Variants in AMZ1 observed in about 807,000 individuals in gnomAD.
The protein encoded by AMZ1 is archaemetzincin-1.
In AMZ1, 39 loss-of-function variants were observed where a neutral mutation model predicts 29.9. The ratio of observed to expected loss-of-function variants is 1.30; its 90% CI spans 1.01 to 1.70. AMZ1 has a LOEUF of 1.70. Among genes scored for constraint, AMZ1 ranks in the 40% most tolerant of loss-of-function variants. The pLI is 0.00. For missense variants in AMZ1, 1,041 were observed against 680.6 expected, an observed-to-expected ratio of 1.53 and a Z score of -5.89; for synonymous variants, 458 against 304.0, an observed-to-expected ratio of 1.51 and a Z score of -5.27.
chr7:2,725,349 G>A (rs1038976608), intron 4 of AMZ1, among the ~76,000 whole-genome samples: 7 of 152,242 alleles, frequency 4.6e-5, no homozygotes, highest in Admixed American at 6.5e-5. Context: ...ACACAGCTGC[G>A]CGAGGGGAAG....
chr7:2,709,092 TTC>T lies in AMZ1; in HGVS notation c.620_621del (p.Phe207CysfsTer16). 1 of 1,596,724 alleles carries T rather than the reference TTC, an allele frequency of 6.3e-7. No homozygotes were observed. The highest frequency in any genetic ancestry group is 8.5e-7 in the Non-Finnish European group (1 of 1,171,372). On this transcript the variant is annotated frameshift_variant, in exon 5 of 7. Transcript: ENST00000683327. LOFTEE classifies it high-confidence loss of function. ...CTCTCCAGAAGTGGGCGTCTGCAGC[TTC>T]GCCCGGTTCTCAGGGGAATTCCCGA... ...LPGHEVGVCS[F>X]ARFSGEFPKS... is the part of the protein sequence containing the mutation.
At chr7:2,754,447 A>G (rs1791192623) in intron 4 of AMZ1, among the ~76,000 whole-genome samples, 1 of 152,012 alleles carries the variant, frequency 6.6e-6, no homozygotes, top group Admixed American at 6.5e-5. Context: ...TCATCCTCTT[A>G]CTAAGAGGAT....
intron 4 of AMZ1, among the ~76,000 whole-genome samples, chr7:2,750,485 T>C (rs1194527527): frequency 1.3e-5 from 2 of 152,244 alleles, no homozygotes; most frequent in Admixed American, 1.3e-4. Flanking sequence ...CTATATTGTT[T>C]TTCCCTTTAC....
upstream of AMZ1, among the ~76,000 whole-genome samples, chr7:2,684,796 C>T (rs1787007108): frequency 6.6e-6 from 1 of 151,912 alleles, no homozygotes. Context: ...GGGCCCTACT[C>T]ATCTGGGCTT....
At chr7:2,692,458 C>T (rs912848503) in intron 1 of AMZ1, among the ~76,000 whole-genome samples, 2 of 152,172 alleles carry the variant, frequency 1.3e-5, no homozygotes, top group Non-Finnish European at 2.9e-5. Context: ...AGGAGAATCG[C>T]TTTAACCCGG....
At chr7:2,760,518 G>A (rs1194111446), upstream of AMZ1, 1 of 152,370 alleles carries the variant, frequency 6.6e-6, no homozygotes, top group African/African-American at 2.4e-5. Context: ...CTTCTGGGCA[G>A]AGCCTATTCT....
At chr7:2,751,382 C>T (rs1449084401) in intron 4 of AMZ1, among the ~76,000 whole-genome samples, 13 of 145,054 alleles carry the variant, frequency 9.0e-5, no homozygotes, top group Non-Finnish European at 1.5e-4. Context: ...CAGAGCAAGA[C>T]CGTTTCAAAG....
intron 5 of AMZ1, 59 bp downstream of exon 5, chr7:2,709,303 G>A (rs567444118): frequency 4.9e-6 from 7 of 1,438,660 alleles, no homozygotes; most frequent in African/African-American, 4.3e-5. Flanking sequence ...TGAGCCCTTG[G>A]TGCCTCGGTC....
In AMZ1 at chr7:2,713,328, G is replaced by C. The variant is rs1398043682; in HGVS notation, c.*450G>C. On this transcript the variant is annotated 3_prime_UTR_variant, in exon 7 of 7. Transcript: ENST00000683327. ...CCTGAGTCCCAGCCAGCCGCTCCCA[G>C]GGGCCTGCACACATGGAGAGGCCTC... 1 of 153,248 alleles carries C rather than the reference G, an allele frequency of 6.5e-6. No homozygotes were observed. The highest frequency in any genetic ancestry group is 1.5e-5 in the Non-Finnish European group (1 of 68,778). The allele number at this position is 153,248 out of a possible 1,614,324, so 9.5% of individuals were successfully genotyped here.
chr7:2,707,521 G>A (rs957393959), intron 3 of AMZ1, among the ~76,000 whole-genome samples: 2 of 151,972 alleles, frequency 1.3e-5, no homozygotes, highest in Admixed American at 1.3e-4. Context: ...TCAGCCCCTG[G>A]GCCTCTCCTG....
chr7:2,708,272 C>T (rs1788490920), intron 3 of AMZ1, among the ~76,000 whole-genome samples: 1 of 152,194 alleles, frequency 6.6e-6, no homozygotes, highest in African/African-American at 2.4e-5. Flanking sequence ...GGCTGTCGCT[C>T]AGCTGCTGAG....
At chr7:2,692,346 C>T (rs2115057409) in intron 1 of AMZ1, among the ~76,000 whole-genome samples, 1 of 152,248 alleles carries the variant, frequency 6.6e-6, no homozygotes, top group Middle Eastern at 3.4e-3. Flanking sequence ...CGAGACCATC[C>T]TGGCTAACAC....
intron 4 of AMZ1, among the ~76,000 whole-genome samples, chr7:2,741,398 G>T (rs953620262): frequency 3.3e-5 from 5 of 152,114 alleles, no homozygotes; most frequent in African/African-American, 1.2e-4. Flanking sequence ...TAGGGGTGGG[G>T]AGAGCTCACC....
At position 2,708,862 on chromosome 7, in the gene AMZ1, T is replaced by C; in HGVS notation, c.601+146T>C. The C allele has an allele frequency of 2.9e-6, 4 of 1,365,232 alleles. No homozygotes were observed. In the South Asian group the frequency reaches 4.1e-5, roughly 14 times the overall value. The allele number at this position is 1,365,232 out of a possible 1,614,324, so 84.6% of individuals were successfully genotyped here. On this transcript the variant is annotated intron_variant, in intron 4 of 6. Transcript: ENST00000683327. ...CTGTGCATGGGAATAGATGGCCCCT[T>C]CCAGCTCCTCCTGAGGAATGGCATA...
chr7:2,698,272 T>G lies in AMZ1; in HGVS notation c.-218-1962T>G, dbSNP rs180963497. On this transcript the variant is annotated intron_variant, in intron 1 of 6. Transcript: ENST00000683327. ...AAAAAAACCAAACAGGCGTGGTGGC[T>G]CATGCCTGTAATCCCAGCACTTTGG... Among the ~76,000 whole-genome samples, 38 of 152,256 alleles carry G rather than the reference T, an allele frequency of 2.5e-4. 1 individual carries two copies. In the East Asian group the frequency reaches 4.8e-3, roughly 19 times the overall value.
chr7:2,714,713 G>C lies in AMZ1; in HGVS notation c.*1835G>C, dbSNP rs1789017359. 1.3e-5 allele frequency: 2 copies of C among 152,344 alleles called. No homozygotes were observed. Among genetic ancestry groups the C allele is most frequent in the Admixed American group, 6.5e-5 (1 of 15,308 alleles). 9.4% of individuals were successfully genotyped at this position (152,344 alleles called of 1,614,324 possible). A position where few individuals can be genotyped will look rare whatever the true frequency, so the allele number is the denominator to read the frequency against. ...ACGGTTTGCCCCTGTGGCTCGACTG[G>C]AGTGTTCGTTCACACGGCTGCCAAG... On this transcript the variant is annotated 3_prime_UTR_variant, in exon 7 of 7. Coordinates refer to ENST00000683327, the MANE Select transcript of AMZ1 (RefSeq NM_001384743.1).
intron 4 of AMZ1, among the ~76,000 whole-genome samples, chr7:2,745,461 G>A (rs1790720519): frequency 6.6e-6 from 1 of 152,146 alleles, no homozygotes; most frequent in Non-Finnish European, 1.5e-5. Flanking sequence ...TTACAGACAA[G>A]CAAATGCTGA....
intron 1 of AMZ1, among the ~76,000 whole-genome samples, chr7:2,694,331 G>T (rs1562359254): frequency 6.6e-6 from 1 of 152,202 alleles, no homozygotes; most frequent in East Asian, 1.9e-4. Flanking sequence ...CGGCTGCCCT[G>T]GTTCTCAGGC....
Position 2,713,001 on chromosome 7 carries a change from C to T in AMZ1, c.*123C>T. The stretch of plus-strand genomic sequence containing the variant: ...GGGTCTGCCTGGGTGGTGGCTCAGG[C>T]CTGTCATCCCATCACTTTGAGAGGC... On this transcript the variant is annotated 3_prime_UTR_variant, in exon 7 of 7. Transcript: ENST00000683327. The T allele has an allele frequency of 9.0e-7, 1 of 1,106,514 alleles. No homozygotes were observed. Among genetic ancestry groups the T allele is most frequent in the Non-Finnish European group, 1.2e-6 (1 of 833,208 alleles). The allele number at this position is 1,106,514 out of a possible 1,614,324, so 68.5% of individuals were successfully genotyped here. A position where few individuals can be genotyped will look rare whatever the true frequency, so the allele number is the denominator to read the frequency against.
Sources: allele counts gnomAD v4.1 joint callset (sites outside exome capture counted in the v4.1 genomes callset), GRCh38; gene constraint gnomAD v4.1.1; transcripts MANE v1.5; gene names NCBI Gene and HGNC (gene_info 2026-07-23, HGNC 2026-07-21).